The following ZSCAN5A variants were observed in gnomAD, a reference collection of about 807,000 sequenced individuals.
ZSCAN5A encodes the protein zinc finger and SCAN domain containing 5A.
ZSCAN5A carries 12 observed loss-of-function variants against 23.7 expected under a neutral mutation model. That is an observed-to-expected ratio of 0.51 (90% CI 0.32 to 0.82). The LOEUF is 0.82. ZSCAN5A is among the 40% of genes least tolerant of loss of function. ZSCAN5A has a pLI of 0.03. For synonymous variants in ZSCAN5A, 257 were observed against 239.9 expected (o/e 1.07, Z -0.66); for missense variants, 597 against 617.9 (o/e 0.97, Z 0.36).
intron 2 of ZSCAN5A, among the ~76,000 whole-genome samples, chr19:56,349,686 C>T (rs1312012316): frequency 5.3e-5 from 4 of 76,068 alleles, no homozygotes; most frequent in Non-Finnish European, 9.7e-5. Flanking sequence ...GCCTGGGCGA[C>T]AGAACAAAAC....
At chr19:56,321,615 C>A in intron 2 of ZSCAN5A, 1 of 829,718 alleles carries the variant, frequency 1.2e-6, no homozygotes, top group Non-Finnish European at 2.2e-6. Context: ...GCAGTCAGCA[C>A]AATGGCAAGG....
chr19:56,241,008 G>A (rs1042583878), intron 2 of ZSCAN5A, among the ~76,000 whole-genome samples: 2 of 152,072 alleles, frequency 1.3e-5, no homozygotes, highest in South Asian at 2.1e-4. Context: ...CTTGCCGGCC[G>A]CACTCCACTT....
At chr19:56,272,825 C>T in intron 2 of ZSCAN5A, 19 of 982,118 alleles carry the variant, frequency 1.9e-5, no homozygotes, top group Non-Finnish European at 2.3e-5. Flanking sequence ...GCCCAAATCC[C>T]AGCCCCATCA....
chr19:56,246,356 G>A (rs1446703785), intron 2 of ZSCAN5A: 3 of 494,048 alleles, frequency 6.1e-6, no homozygotes, highest in South Asian at 2.5e-5. Flanking sequence ...GTCATGAAAA[G>A]TGCCCCAAAG....
chr19:56,244,205 G>T (rs139065000), intron 2 of ZSCAN5A: 4 of 1,609,112 alleles, frequency 2.5e-6, no homozygotes, highest in Non-Finnish European at 1.7e-6. Flanking sequence ...CTGCCCAGAG[G>T]AGTCGGACCC....
In ZSCAN5A at chr19:56,281,130, T is replaced by C. The variant is rs192966973; in HGVS notation, c.-128+32153A>G. ...ATAAGGGAAGCTAGAGAAAAGAAAATGTTATTAAGAAAGAGAAAATATGTT... is the reference window on the plus strand; with the variant it reads ...ATAAGGGAAGCTAGAGAAAAGAAAACGTTATTAAGAAAGAGAAAATATGTT... On this transcript the variant is annotated intron_variant, in intron 2 of 5. Coordinates refer to ENST00000683990, the MANE Select transcript of ZSCAN5A (RefSeq NM_001322064.3). Among the ~76,000 whole-genome samples, 65 of 152,164 alleles carry C rather than the reference T, an allele frequency of 4.3e-4. 1 individual carries two copies. The East Asian group carries it at 0.012, about 29-fold the overall frequency.
intron 2 of ZSCAN5A, among the ~76,000 whole-genome samples, chr19:56,330,676 T>C (rs1368326623): frequency 6.6e-6 from 1 of 152,202 alleles, no homozygotes; most frequent in Non-Finnish European, 1.5e-5. Flanking sequence ...TTAAGGGGGT[T>C]ACTTTATTTT....
rs371018316 is a variant in ZSCAN5A, at chr19:56,236,718, C to T, written c.-127-11545G>A. 4.2e-3 allele frequency among the ~76,000 whole-genome samples: 309 copies of T among 73,876 alleles called. 6 individuals are homozygous for T. Among genetic ancestry groups the T allele is most frequent in the Non-Finnish European group, 5.7e-3 (211 of 36,750 alleles). 48.5% of individuals were successfully genotyped at this position (73,876 alleles called of 152,430 possible). On this transcript the variant is annotated intron_variant, in intron 2 of 5. Transcript: ENST00000683990. Reference sequence around the variant, plus strand: ...CCAGCCTCTGATGGACGGTGGGCCACGCCTCCACTCCAACCTCTGATTGAC... The same window carrying T: ...CCAGCCTCTGATGGACGGTGGGCCATGCCTCCACTCCAACCTCTGATTGAC...
intron 2 of ZSCAN5A, among the ~76,000 whole-genome samples, chr19:56,326,101 T>C (rs896956472): frequency 2.0e-5 from 3 of 149,454 alleles, no homozygotes; most frequent in Admixed American, 1.3e-4. Context: ...CCCAGCTAAT[T>C]TTTTTTTTTG....
intron 2 of ZSCAN5A, chr19:56,263,377 C>G (rs1294714411): frequency 6.6e-6 from 1 of 152,058 alleles, no homozygotes; most frequent in Non-Finnish European, 1.5e-5. Flanking sequence ...TTCCGAAAGC[C>G]AGAGCTTTGG....
chr19:56,237,816 A>G (rs530809264), intron 2 of ZSCAN5A, among the ~76,000 whole-genome samples: 1 of 152,088 alleles, frequency 6.6e-6, no homozygotes, highest in East Asian at 1.9e-4. Context: ...GCTTGGGAGG[A>G]AGAGGCAGTA....
intron 2 of ZSCAN5A, among the ~76,000 whole-genome samples, chr19:56,302,511 TTCC>T (rs2040332791): frequency 1.1e-4 from 3 of 26,718 alleles, no homozygotes; most frequent in African/African-American, 7.1e-4. Context: ...CTGCCCTTCT[TTCC>T]TTCCTCCCTC....
intron 2 of ZSCAN5A, among the ~76,000 whole-genome samples, chr19:56,255,798 G>A (rs374271616): frequency 5.3e-5 from 8 of 152,086 alleles, no homozygotes; most frequent in East Asian, 1.9e-4. Context: ...ATTTCTGCCC[G>A]TTGAGCTGCT....
chr19:56,310,611 T>C (rs1308265399), intron 2 of ZSCAN5A, among the ~76,000 whole-genome samples: 1 of 152,220 alleles, frequency 6.6e-6, no homozygotes, highest in Non-Finnish European at 1.5e-5. Flanking sequence ...CACACTAAGC[T>C]ACACAGCTGA....
chr19:56,283,204 T>C (rs1558356), intron 2 of ZSCAN5A: 135,827 of 152,294 alleles, frequency 0.89, 61,094 homozygotes, highest in Middle Eastern at 0.94. Flanking sequence ...ACGTCCCTGC[T>C]CCCACTGCAC....
At chr19:56,222,507 C>T (rs537559202) in intron 5 of ZSCAN5A, 84 bp downstream of exon 5, 1 of 1,566,918 alleles carries the variant, frequency 6.4e-7, no homozygotes, top group Non-Finnish European at 8.6e-7. Context: ...GCCAACTCCC[C>T]CAGGGGATGA....
rs139485468 is a variant in ZSCAN5A at position 56,223,399 on chromosome 19, C to A, written c.588+232G>T. Among the ~76,000 whole-genome samples the A allele has an allele frequency of 5.1e-4, 77 of 152,350 alleles. No individual in the cohort carries two copies. The East Asian group carries it at 0.014, about 28-fold the overall frequency. On this transcript the variant is annotated intron_variant, in intron 4 of 5. Transcript: ENST00000683990. ...ACTGCCTCCCTCATTTCACTGAGAT[C>A]ATTTCTTATGCCCCACCCTAAATGC... is the stretch of plus-strand genomic sequence containing the variant.
chr19:56,366,383 A>T (rs2041765105), intron 1 of ZSCAN5A, among the ~76,000 whole-genome samples: 1 of 144,586 alleles, frequency 6.9e-6, no homozygotes, highest in Admixed American at 7.3e-5. Context: ...AGATTGTGCC[A>T]TTGCACTCCA....
At chr19:56,223,483 G>C in intron 4 of ZSCAN5A, 148 bp downstream of exon 4, 1 of 837,092 alleles carries the variant, frequency 1.2e-6, no homozygotes. Context: ...TGATGGCTCA[G>C]GAATGAATGT....
Sources: allele counts gnomAD v4.1 joint callset (sites outside exome capture counted in the v4.1 genomes callset), GRCh38; gene constraint gnomAD v4.1.1; transcripts MANE v1.5; gene names NCBI Gene and HGNC (gene_info 2026-07-23, HGNC 2026-07-21).